The following NYAP2 variants were observed in gnomAD, a reference collection of about 807,000 sequenced individuals.
NYAP2 encodes neuronal tyrosine-phosphorylated phosphoinositide-3-kinase adaptor 2, also known as neuronal tyrosine-phosphorylated phosphoinositide-3-kinase adapter 2.
In NYAP2, 23 loss-of-function variants were observed where a neutral mutation model predicts 50.4. The observed-to-expected ratio is 0.46, with a 90% CI of 0.33 to 0.65. The LOEUF (loss-of-function observed/expected upper bound fraction) is 0.65. NYAP2 is among the 30% of genes least tolerant of loss of function. The probability of loss-of-function intolerance (pLI) is 0.02; values close to 1 mark genes in which losing one functional copy is unlikely to be tolerated. For synonymous variants in NYAP2, 394 were observed against 365.2 expected (o/e 1.08, Z -0.90); for missense variants, 885 against 861.0 (o/e 1.03, Z -0.35).
At chr2:225,598,472 T>G (rs931980283) in intron 5 of NYAP2, among the ~76,000 whole-genome samples, 3 of 152,164 alleles carry the variant, frequency 2.0e-5, no homozygotes, top group African/African-American at 4.8e-5. Context: ...AAAAATATGA[T>G]TTGTGAAGTG....
chr2:225,624,060 TTAAAG>T (rs1693168191), intron 5 of NYAP2, among the ~76,000 whole-genome samples: 6 of 152,220 alleles, frequency 3.9e-5, no homozygotes, highest in Admixed American at 3.9e-4. Flanking sequence ...GCAACAATTT[TTAAAG>T]TAAACATGTA....
At chr2:225,491,657 T>C (rs1690409335) in intron 3 of NYAP2, among the ~76,000 whole-genome samples, 1 of 152,210 alleles carries the variant, frequency 6.6e-6, no homozygotes, top group African/African-American at 2.4e-5. Flanking sequence ...ATGGCTTCTC[T>C]CTAGTGGGCT....
At chr2:225,437,141 G>T (rs1373402796) in intron 3 of NYAP2, among the ~76,000 whole-genome samples, 2 of 151,894 alleles carry the variant, frequency 1.3e-5, no homozygotes, top group African/African-American at 2.4e-5. Flanking sequence ...CTTGTTATTT[G>T]GTGTCTAGTT....
rs144859239 is a variant in NYAP2, at chr2:225,543,319, T to C, written c.523+29647T>C. Among the ~76,000 whole-genome samples the C allele has an allele frequency of 1.7e-3, 252 of 152,114 alleles. 1 individual carries two copies. The highest frequency in any genetic ancestry group is 3.1e-3 in the Non-Finnish European group (212 of 67,894). On this transcript the variant is annotated intron_variant, in intron 4 of 6. Coordinates refer to ENST00000636099, the Ensembl canonical transcript of NYAP2. ...ATTTTGGGTTTGGTCTACTCTTCCTTTTCTAGTTCTTTAAGACACATCTTT... is the reference window on the plus strand; with the variant it reads ...ATTTTGGGTTTGGTCTACTCTTCCTCTTCTAGTTCTTTAAGACACATCTTT...
chr2:225,470,140 T>C (rs1689989684), intron 3 of NYAP2, among the ~76,000 whole-genome samples: 1 of 152,202 alleles, frequency 6.6e-6, no homozygotes, highest in South Asian at 2.1e-4. Context: ...CATTGTGCAT[T>C]TTCCACTTAG....
chr2:225,579,670 CT>C (rs1234685017), intron 4 of NYAP2, among the ~76,000 whole-genome samples: 1 of 152,146 alleles, frequency 6.6e-6, no homozygotes, highest in Admixed American at 6.5e-5. Flanking sequence ...TCAACCGTTG[CT>C]TCTCTGAATG....
At chr2:225,488,469 G>A (rs1393607728) in intron 3 of NYAP2, among the ~76,000 whole-genome samples, 1 of 152,128 alleles carries the variant, frequency 6.6e-6, no homozygotes, top group Non-Finnish European at 1.5e-5. Flanking sequence ...TGACTCCTGG[G>A]TTCAAGCAAG....
intron 4 of NYAP2, among the ~76,000 whole-genome samples, chr2:225,520,507 T>C (rs535686932): frequency 0.01 from 1,585 of 152,076 alleles, 18 homozygotes; most frequent in African/African-American, 0.035. Context: ...CCAGTTTTCC[T>C]GGCACCATTT....
At chr2:225,445,249 A>T (rs1430457278) in intron 3 of NYAP2, among the ~76,000 whole-genome samples, 1 of 152,090 alleles carries the variant, frequency 6.6e-6, no homozygotes, top group Non-Finnish European at 1.5e-5. Context: ...ATTTTCCTAA[A>T]GTTTTTTAGG....
At chr2:225,656,448 G>C (rs1693827579), downstream of NYAP2, among the ~76,000 whole-genome samples, 1 of 152,094 alleles carries the variant, frequency 6.6e-6, no homozygotes. Flanking sequence ...CTCTCACCAA[G>C]CTCCTAACTT....
At chr2:225,647,665 C>T (rs533553687) in intron 6 of NYAP2, among the ~76,000 whole-genome samples, 1 of 152,186 alleles carries the variant, frequency 6.6e-6, no homozygotes, top group East Asian at 1.9e-4. Flanking sequence ...TGAGTATCTT[C>T]AGTGAAAGAA....
chr2:225,637,537 C>G (rs1439073424), intron 6 of NYAP2, among the ~76,000 whole-genome samples: 1 of 152,124 alleles, frequency 6.6e-6, no homozygotes, highest in Non-Finnish European at 1.5e-5. Context: ...GGAACATTTG[C>G]CAGGTTCTGC....
intron 3 of NYAP2, among the ~76,000 whole-genome samples, chr2:225,432,864 CCTT>C (rs1689291595): frequency 6.6e-6 from 1 of 152,118 alleles, no homozygotes; most frequent in African/African-American, 2.4e-5. Context: ...TGCTCCATCT[CCTT>C]CTGGCATACA....
intron 5 of NYAP2, among the ~76,000 whole-genome samples, chr2:225,584,954 G>C (rs1345532934): frequency 6.6e-6 from 1 of 152,158 alleles, no homozygotes; most frequent in African/African-American, 2.4e-5. Flanking sequence ...GATGTTATTG[G>C]TTGTTACTAC....
At chr2:225,661,916 G>A in the NYAP2 span, among the ~76,000 whole-genome samples, 79 of 152,050 alleles carry the variant, frequency 5.2e-4, 1 homozygote, top group African/African-American at 1.9e-3. Context: ...TACACACAGG[G>A]TTTCACCATG....
intron 5 of NYAP2, among the ~76,000 whole-genome samples, chr2:225,614,524 A>T (rs1280527169): frequency 6.6e-6 from 1 of 152,210 alleles, no homozygotes; most frequent in African/African-American, 2.4e-5. Context: ...TCAATACTCA[A>T]TAAAGAGTAT....
At chr2:225,608,112 C>G (rs1272537397) in intron 5 of NYAP2, among the ~76,000 whole-genome samples, 1 of 152,004 alleles carries the variant, frequency 6.6e-6, no homozygotes, top group Non-Finnish European at 1.5e-5. Flanking sequence ...TTTGGAATCC[C>G]AATAAAATGA....
intron 3 of NYAP2, among the ~76,000 whole-genome samples, chr2:225,485,775 G>C (rs1400363368): frequency 2.6e-5 from 4 of 152,196 alleles, no homozygotes; most frequent in African/African-American, 7.2e-5. Flanking sequence ...CAAAAGAGGA[G>C]AGAAGCATGC....
intron 3 of NYAP2, among the ~76,000 whole-genome samples, chr2:225,456,069 C>T (rs1269680948): frequency 6.6e-6 from 1 of 152,216 alleles, no homozygotes; most frequent in Non-Finnish European, 1.5e-5. Flanking sequence ...ATACAAAAAT[C>T]AGCCACTTTA....
Sources: allele counts gnomAD v4.1 joint callset (sites outside exome capture counted in the v4.1 genomes callset), GRCh38; gene constraint gnomAD v4.1.1; transcripts MANE v1.5; gene names NCBI Gene and HGNC (gene_info 2026-07-23, HGNC 2026-07-21).